Variants in P3H2 observed in about 807,000 individuals in gnomAD.
P3H2 encodes the protein prolyl 3-hydroxylase 2.
P3H2 carries 80 observed loss-of-function variants against 87.0 expected under a neutral mutation model. That is an observed-to-expected ratio of 0.92 (90% CI 0.77 to 1.11). The LOEUF is 1.11. Ranked by LOEUF, P3H2 falls within the 50% of genes least tolerant of loss-of-function variation. The pLI is 0.00. For missense variants in P3H2, 1,001 were observed against 923.9 expected (o/e 1.08, Z -1.08); for synonymous variants, 367 against 359.3 (o/e 1.02, Z -0.24).
At chr3:190,023,544 AACTC>A (rs1173080937) in intron 1 of P3H2, among the ~76,000 whole-genome samples, 1 of 152,178 alleles carries the variant, frequency 6.6e-6, no homozygotes, top group Non-Finnish European at 1.5e-5. Context: ...ATCTTGTGAG[AACTC>A]ACTATCAGGA....
chr3:189,983,924 G>A (rs1437692004), intron 7 of P3H2, among the ~76,000 whole-genome samples: 5 of 151,870 alleles, frequency 3.3e-5, no homozygotes. Flanking sequence ...TAAATAATGA[G>A]CTTTCTTGGG....
At chr3:190,054,808 A>C (rs1726097989) in intron 1 of P3H2, among the ~76,000 whole-genome samples, 1 of 152,130 alleles carries the variant, frequency 6.6e-6, no homozygotes, top group Non-Finnish European at 1.5e-5. Context: ...TATGAGTAGA[A>C]ACTAAGGGAA....
chr3:190,057,417 G>A (rs1030986936), intron 1 of P3H2, among the ~76,000 whole-genome samples: 37 of 152,272 alleles, frequency 2.4e-4, no homozygotes, highest in Admixed American at 1.4e-3. Flanking sequence ...AACCCCGCTG[G>A]TTCTGATTCC....
intron 1 of P3H2, among the ~76,000 whole-genome samples, chr3:190,094,972 C>A (rs867150441): frequency 5.3e-5 from 8 of 152,166 alleles, no homozygotes; most frequent in African/African-American, 1.9e-4. Context: ...CAAATATAAT[C>A]AATATCACAA....
chr3:190,076,159 A>G (rs1726870244), intron 1 of P3H2, among the ~76,000 whole-genome samples: 1 of 151,922 alleles, frequency 6.6e-6, no homozygotes, highest in South Asian at 2.1e-4. Flanking sequence ...GATATGAAAA[A>G]AAAAAACCAC....
At chr3:189,972,766 GA>G in intron 11 of P3H2, 107 bp downstream of exon 11, 1 of 1,218,468 alleles carries the variant, frequency 8.2e-7, no homozygotes, top group Non-Finnish European at 1.2e-6. Flanking sequence ...TGGAAATCTA[GA>G]ATTCGTCTAA....
intron 1 of P3H2, among the ~76,000 whole-genome samples, chr3:190,073,947 T>C (rs1471953354): frequency 6.6e-6 from 1 of 152,198 alleles, no homozygotes; most frequent in Non-Finnish European, 1.5e-5. Flanking sequence ...ACAGTTCACT[T>C]TTTTGAGGAA....
In P3H2 at chr3:190,084,959, A is replaced by AAG. The variant is rs1553882056; in HGVS notation, c.480+35292_480+35293insCT. Among the ~76,000 whole-genome samples, 1,234 of 151,982 alleles carry AAG rather than the reference A, an allele frequency of 8.1e-3. 7 individuals are homozygous for AAG. Among genetic ancestry groups the AAG allele is most frequent in the Non-Finnish European group, 0.013 (894 of 67,930 alleles). ...AGCTAAGAGAAACAAACAAAAAAAA[A>AAG]AAAGAAAGAAAGAAAACTAACTATA... On this transcript the variant is annotated intron_variant, in intron 1 of 14. Coordinates refer to ENST00000319332, the MANE Select transcript of P3H2 (RefSeq NM_018192.4).
intron 1 of P3H2, among the ~76,000 whole-genome samples, chr3:190,014,853 C>A (rs1420422566): frequency 3.3e-5 from 5 of 151,962 alleles, no homozygotes; most frequent in Admixed American, 2.6e-4. Context: ...AAGGAGGGAG[C>A]CTTGGTAAGA....
intron 1 of P3H2, among the ~76,000 whole-genome samples, chr3:190,004,540 G>A (rs902549062): frequency 1.3e-5 from 2 of 151,762 alleles, no homozygotes; most frequent in Non-Finnish European, 1.5e-5. Flanking sequence ...CCGCCTCCAC[G>A]CCCGGCTAAT....
intron 14 of P3H2, among the ~76,000 whole-genome samples, chr3:189,959,590 T>C (rs542544280): frequency 6.6e-6 from 1 of 152,144 alleles, no homozygotes; most frequent in South Asian, 2.1e-4. Context: ...TCCAACTTCT[T>C]AACTTACCTC....
At chr3:190,004,401 G>A (rs922458752) in intron 1 of P3H2, among the ~76,000 whole-genome samples, 2 of 152,084 alleles carry the variant, frequency 1.3e-5, no homozygotes, top group African/African-American at 4.8e-5. Context: ...TATTTATTTC[G>A]AGACGGAGTC....
At position 189,986,890 on chromosome 3, in the gene P3H2, A is replaced by T; in HGVS notation, c.1099-13T>A. The T allele has an allele frequency of 1.9e-6, 3 of 1,553,888 alleles. No individual in the cohort carries two copies. Among genetic ancestry groups the T allele is most frequent in the Non-Finnish European group, 2.7e-6 (3 of 1,125,368 alleles). The stretch of plus-strand genomic sequence containing the variant: ...ACATTGTTAAATCCTAGAGAAAAAG[A>T]AGTAAAGAAAGACATTTTTTATTTA... On this transcript the variant is annotated splice_polypyrimidine_tract_variant and intron_variant, in intron 5 of 14. Transcript: ENST00000319332.
chr3:190,105,968 C>T (rs1240993280), intron 1 of P3H2, among the ~76,000 whole-genome samples: 1 of 152,176 alleles, frequency 6.6e-6, no homozygotes, highest in African/African-American at 2.4e-5. Flanking sequence ...AAAGCAGTTT[C>T]ATTTTGGTGT....
Position 190,095,667 on chromosome 3 carries a change from C to A in P3H2, c.480+24585G>T, listed in dbSNP as rs573528144. Among the ~76,000 whole-genome samples, 9 of 147,846 alleles carry A rather than the reference C, an allele frequency of 6.1e-5. No homozygotes were observed. The South Asian group carries it at 1.9e-3, about 32-fold the overall frequency. On this transcript the variant is annotated intron_variant, in intron 1 of 14. Transcript: ENST00000319332. ...CCAGGCTGGAGTGCAGTGGCGTGAT[C>A]TCGGCTCACTGCAAGCTCCGCCTCC...
intron 1 of P3H2, among the ~76,000 whole-genome samples, chr3:190,018,656 C>G (rs1248018528): frequency 6.6e-6 from 1 of 152,162 alleles, no homozygotes; most frequent in Non-Finnish European, 1.5e-5. Context: ...TTGCAATGAG[C>G]TATGATTGTG....
chr3:190,092,776 G>A (rs767582779), intron 1 of P3H2, among the ~76,000 whole-genome samples: 5 of 151,670 alleles, frequency 3.3e-5, no homozygotes, highest in African/African-American at 4.9e-5. Flanking sequence ...AAAAGACAAA[G>A]AGGAAAAGAA....
intron 1 of P3H2, among the ~76,000 whole-genome samples, chr3:190,112,093 T>C (rs58968389): frequency 0.12 from 18,835 of 152,246 alleles, 1,281 homozygotes; most frequent in Middle Eastern, 0.21. Flanking sequence ...TGAAATCCTC[T>C]ATATTAGATG....
At position 190,019,785 on chromosome 3, in the gene P3H2, A is replaced by AATAT. The variant is rs1210566859; in HGVS notation, c.481-24347_481-24344dup. On this transcript the variant is annotated intron_variant, in intron 1 of 14. Transcript: ENST00000319332. The stretch of plus-strand genomic sequence containing the variant: ...ATGTGACATTACCTAGAAATTAAAA[A>AATAT]ATATATATATATATATATATATATA... Among the ~76,000 whole-genome samples the AATAT allele has an allele frequency of 2.5e-3, 95 of 37,372 alleles. 10 individuals carry two copies. Among genetic ancestry groups the AATAT allele is most frequent in the South Asian group, 0.013 (13 of 964 alleles). The allele number at this position is 37,372 out of a possible 152,430, so 24.5% of individuals were successfully genotyped here.
Sources: gnomAD v4.1 joint callset for allele counts (sites outside exome capture counted in the v4.1 genomes callset) on GRCh38, gnomAD v4.1.1 for gene constraint, MANE v1.5 for transcripts, NCBI Gene and HGNC (gene_info 2026-07-23, HGNC 2026-07-21) for gene names.